The following LDAH variants were observed in gnomAD, a reference collection of about 807,000 sequenced individuals.
The protein encoded by LDAH is lipid droplet-associated hydrolase.
Under a neutral mutation model 29.6 loss-of-function variants are expected in LDAH, and 26 were observed. That is an observed-to-expected ratio of 0.88 (90% CI 0.64 to 1.22). LDAH has a LOEUF of 1.22. Among genes scored for constraint, LDAH ranks in the 50% most tolerant of loss-of-function variants. The pLI is 0.00. For synonymous variants in LDAH, 117 were observed against 133.0 expected, an observed-to-expected ratio of 0.88 and a Z score of 0.83; for missense variants, 344 against 387.3, an observed-to-expected ratio of 0.89 and a Z score of 0.94.
chr2:20,733,788 C>T (rs943740257), intron 5 of LDAH, among the ~76,000 whole-genome samples: 1 of 152,182 alleles, frequency 6.6e-6, no homozygotes, highest in Non-Finnish European at 1.5e-5. Flanking sequence ...ATCCTTCCAT[C>T]TCAGACTCCC....
chr2:20,728,614 C>T lies in LDAH; in HGVS notation c.703+11357G>A, dbSNP rs183377988. On this transcript the variant is annotated intron_variant, in intron 5 of 6. Coordinates refer to ENST00000237822, the MANE Select transcript of LDAH (RefSeq NM_021925.4). ...TAGTGATGGTAAGGGCAAGCCTGGG[C>T]GAAGGCAGCTTCTGTGAGGGTTATT... is the stretch of plus-strand genomic sequence containing the variant. 5.5e-3 allele frequency among the ~76,000 whole-genome samples: 839 copies of T among 152,064 alleles called. 8 individuals are homozygous for T. The highest frequency in any genetic ancestry group is 0.019 in the African/African-American group (773 of 41,470).
chr2:20,820,412 C>A (rs1199898607), intron 1 of LDAH, among the ~76,000 whole-genome samples: 41 of 152,200 alleles, frequency 2.7e-4, no homozygotes, highest in Non-Finnish European at 4.4e-5. Flanking sequence ...GGTACCAAAA[C>A]AGAGATATAG....
intron 5 of LDAH, among the ~76,000 whole-genome samples, chr2:20,705,562 T>G (rs181095819): frequency 8.5e-5 from 13 of 152,350 alleles, no homozygotes; most frequent in African/African-American, 3.1e-4. Flanking sequence ...CTGTCATTTT[T>G]CTTCTATAGC....
At chr2:20,731,902 C>T (rs191034429) in intron 5 of LDAH, among the ~76,000 whole-genome samples, 10 of 151,502 alleles carry the variant, frequency 6.6e-5, no homozygotes, top group Admixed American at 2.0e-4. Flanking sequence ...CCTGGCAGAG[C>T]CGCAGAACCA....
chr2:20,719,439 G>A (rs1321084165), intron 5 of LDAH, among the ~76,000 whole-genome samples: 1 of 150,164 alleles, frequency 6.7e-6, no homozygotes, highest in African/African-American at 2.4e-5. Context: ...TTGAAACAAA[G>A]AAATAGAAAA....
At chr2:20,743,407 T>C (rs1667341458) in intron 4 of LDAH, among the ~76,000 whole-genome samples, 1 of 143,430 alleles carries the variant, frequency 7.0e-6, no homozygotes, top group Non-Finnish European at 1.5e-5. Context: ...GCTGGTGCGC[T>C]GCACCCCCAA....
chr2:20,726,757 C>A (rs540049757), intron 5 of LDAH, among the ~76,000 whole-genome samples: 2 of 152,088 alleles, frequency 1.3e-5, no homozygotes, highest in African/African-American at 4.8e-5. Context: ...GTGGTCATTA[C>A]GATAATCAAT....
intron 1 of LDAH, among the ~76,000 whole-genome samples, chr2:20,819,615 A>C (rs1187575682): frequency 6.6e-6 from 1 of 152,256 alleles, no homozygotes; most frequent in Non-Finnish European, 1.5e-5. Context: ...GACGTATCCC[A>C]AAATAATAAG....
At chr2:20,737,544 C>T (rs1666874546) in intron 5 of LDAH, among the ~76,000 whole-genome samples, 2 of 152,114 alleles carry the variant, frequency 1.3e-5, no homozygotes, top group South Asian at 4.1e-4. Context: ...TCCATTGGGT[C>T]TCAAGTAATT....
chr2:20,764,328 A>G (rs753969202), intron 4 of LDAH, among the ~76,000 whole-genome samples: 5 of 152,256 alleles, frequency 3.3e-5, no homozygotes, highest in Non-Finnish European at 7.3e-5. Context: ...AAATCAGAGT[A>G]GTTAGGTGCT....
At chr2:20,796,793 T>G (rs1191814318) in intron 2 of LDAH, among the ~76,000 whole-genome samples, 1 of 152,126 alleles carries the variant, frequency 6.6e-6, no homozygotes, top group Non-Finnish European at 1.5e-5. Context: ...GACACCAACT[T>G]TAAGAACCAC....
intron 4 of LDAH, among the ~76,000 whole-genome samples, chr2:20,760,693 T>C (rs998201208): frequency 1.4e-4 from 21 of 152,204 alleles, no homozygotes; most frequent in Non-Finnish European, 1.9e-4. Flanking sequence ...CCGCCCAACA[T>C]AGACAACCCA....
intron 6 of LDAH, among the ~76,000 whole-genome samples, chr2:20,699,726 T>C (rs560213327): frequency 1.3e-5 from 2 of 152,350 alleles, no homozygotes; most frequent in Admixed American, 1.3e-4. Context: ...TGTGTGTTAA[T>C]ACTAACCTTG....
chr2:20,709,644 T>TCCA (rs1321794610), intron 5 of LDAH, among the ~76,000 whole-genome samples: 1 of 152,090 alleles, frequency 6.6e-6, no homozygotes, highest in East Asian at 1.9e-4. Flanking sequence ...ACCCAGCAAT[T>TCCA]CCACCTATAG....
At chr2:20,788,790 T>A (rs1670737457) in intron 3 of LDAH, 1 of 235,402 alleles carries the variant, frequency 4.2e-6, no homozygotes, top group African/African-American at 2.4e-5. Flanking sequence ...CTTTTGAAAG[T>A]GTCCTTCAAC....
chr2:20,736,107 G>C (rs1666763838), intron 5 of LDAH, among the ~76,000 whole-genome samples: 1 of 152,192 alleles, frequency 6.6e-6, no homozygotes, highest in South Asian at 2.1e-4. Flanking sequence ...GGCTGGAGTA[G>C]AGTAGAGCAG....
intron 5 of LDAH, among the ~76,000 whole-genome samples, chr2:20,707,718 A>G (rs1231687611): frequency 1.3e-5 from 2 of 152,206 alleles, no homozygotes; most frequent in East Asian, 3.8e-4. Context: ...TGAATTGAGA[A>G]TAGTCACTGT....
At position 20,688,330 on chromosome 2, in the gene LDAH, A is replaced by T. The variant is rs1662717587; in HGVS notation, c.787-1236T>A. Reference sequence around the variant, plus strand: ...GAGCATGGCATGTGTGGGGAACTGGAATTCCACATGGCTGGAATATAGGGT... The same window carrying T: ...GAGCATGGCATGTGTGGGGAACTGGTATTCCACATGGCTGGAATATAGGGT... On this transcript the variant is annotated intron_variant, in intron 6 of 6. Transcript: ENST00000237822. 2.6e-5 allele frequency among the ~76,000 whole-genome samples: 4 copies of T among 152,178 alleles called. No homozygotes were observed. The South Asian group carries it at 8.3e-4, about 32-fold the overall frequency.
At chr2:20,791,906 T>G (rs551906941) in intron 2 of LDAH, among the ~76,000 whole-genome samples, 2 of 152,316 alleles carry the variant, frequency 1.3e-5, no homozygotes, top group Admixed American at 6.5e-5. Context: ...ATTTTTACAT[T>G]CACTTGCTAA....
Sources: gnomAD v4.1 joint callset for allele counts (sites outside exome capture counted in the v4.1 genomes callset) on GRCh38, gnomAD v4.1.1 for gene constraint, MANE v1.5 for transcripts, NCBI Gene and HGNC (gene_info 2026-07-23, HGNC 2026-07-21) for gene names.